GLIS3: variants seen among roughly 807,000 people sequenced by gnomAD.
GLIS3 encodes the protein zinc finger protein GLIS3.
A neutral mutation model predicts 78.6 loss-of-function variants in GLIS3; 53 were observed. The ratio of observed to expected loss-of-function variants is 0.67; its 90% confidence interval spans 0.54 to 0.85. The LOEUF is 0.85. Among genes scored for constraint, GLIS3 ranks in the 40% least tolerant of loss-of-function variants. The pLI, the probability that GLIS3 is intolerant of heterozygous loss-of-function variation, is 0.00. For synonymous variants in GLIS3, 684 were observed against 509.9 expected (o/e 1.34, Z -4.60); for missense variants, 1,703 against 1,231.1 (o/e 1.38, Z -5.74).
At chr9:3,925,453 T>G (rs1038949743) in intron 6 of GLIS3, among the ~76,000 whole-genome samples, 16 of 152,074 alleles carry the variant, frequency 1.1e-4, no homozygotes, top group African/African-American at 3.9e-4. Context: ...AGAAAAAAAA[T>G]CGATTCCTGG....
intron 2 of GLIS3, among the ~76,000 whole-genome samples, chr9:4,142,024 C>G (rs1004614353): frequency 6.6e-6 from 1 of 152,126 alleles, no homozygotes; most frequent in Non-Finnish European, 1.5e-5. Flanking sequence ...AATCCAGACA[C>G]GGTACCAGCA....
At chr9:3,985,321 ACTT>A (rs1819650285) in intron 4 of GLIS3, among the ~76,000 whole-genome samples, 2 of 151,928 alleles carry the variant, frequency 1.3e-5, no homozygotes, top group African/African-American at 4.8e-5. Flanking sequence ...TGTTTTTTGT[ACTT>A]CTTAGTAGAA....
intron 1 of GLIS3, among the ~76,000 whole-genome samples, chr9:4,296,016 A>G (rs1816467204): frequency 6.6e-6 from 1 of 152,174 alleles, no homozygotes; most frequent in South Asian, 2.1e-4. Flanking sequence ...GGAAAAGTAA[A>G]ACAGTTAAGT....
intron 4 of GLIS3, among the ~76,000 whole-genome samples, chr9:3,988,568 C>T (rs528445894): frequency 3.3e-5 from 5 of 152,084 alleles, no homozygotes; most frequent in South Asian, 2.1e-4. Flanking sequence ...ATACATAGAT[C>T]GATTGAACAG....
intron 9 of GLIS3, among the ~76,000 whole-genome samples, chr9:3,846,732 C>T (rs956038323): frequency 6.6e-6 from 1 of 152,230 alleles, no homozygotes; most frequent in Non-Finnish European, 1.5e-5. Context: ...CTACCACACA[C>T]TCAGTACCAG....
intron 2 of GLIS3, among the ~76,000 whole-genome samples, chr9:4,164,152 C>T (rs1835707054): frequency 6.6e-6 from 1 of 152,196 alleles, no homozygotes; most frequent in African/African-American, 2.4e-5. Context: ...GACAGTGGGT[C>T]ATTTAGTGTC....
chr9:3,878,252 C>G (rs113156428), intron 8 of GLIS3, among the ~76,000 whole-genome samples: 10 of 151,904 alleles, frequency 6.6e-5, no homozygotes, highest in African/African-American at 2.4e-4. Flanking sequence ...ATCTCTATTA[C>G]ATCATTTAAC....
At chr9:4,354,450 T>C in the GLIS3 span, among the ~76,000 whole-genome samples, 1 of 152,130 alleles carries the variant, frequency 6.6e-6, no homozygotes, top group Non-Finnish European at 1.5e-5. Context: ...TTGCTATATT[T>C]AACCAAGAAT....
intron 2 of GLIS3, among the ~76,000 whole-genome samples, chr9:4,163,244 G>GCA (rs59165297): frequency 0.3 from 45,250 of 151,550 alleles, 6,840 homozygotes; most frequent in African/African-American, 0.35. Context: ...ATGTGCACTG[G>GCA]CACACACACA....
intron 2 of GLIS3, among the ~76,000 whole-genome samples, chr9:4,211,946 T>C (rs918710455): frequency 1.2e-4 from 19 of 152,200 alleles, no homozygotes; most frequent in African/African-American, 4.6e-4. Context: ...GTTATTCCAA[T>C]TGTATGAAAT....
chr9:3,983,306 G>A (rs1313632306), intron 4 of GLIS3, among the ~76,000 whole-genome samples: 1 of 152,226 alleles, frequency 6.6e-6, no homozygotes, highest in East Asian at 1.9e-4. Flanking sequence ...CCCCAGCCAT[G>A]TGGAACTGTA....
chr9:4,370,093 G>T, the GLIS3 span, among the ~76,000 whole-genome samples: 1 of 146,018 alleles, frequency 6.8e-6, no homozygotes, highest in Non-Finnish European at 1.5e-5. Context: ...TCAGGAGGCT[G>T]AGGCAGGAGA....
At chr9:4,414,825 T>C in the GLIS3 span, among the ~76,000 whole-genome samples, 1 of 152,176 alleles carries the variant, frequency 6.6e-6, no homozygotes, top group Non-Finnish European at 1.5e-5. Context: ...TTCCAGATGA[T>C]GTCTGATCAC....
chr9:3,972,328 G>A (rs1270973331), intron 4 of GLIS3, among the ~76,000 whole-genome samples: 7 of 152,012 alleles, frequency 4.6e-5, no homozygotes, highest in Non-Finnish European at 1.0e-4. Flanking sequence ...AACTTCAAAC[G>A]TCCCTCATTC....
chr9:4,361,518 G>A, the GLIS3 span, among the ~76,000 whole-genome samples: 2 of 152,190 alleles, frequency 1.3e-5, no homozygotes, highest in Non-Finnish European at 2.9e-5. Context: ...ATAGTGTTCT[G>A]CATGCAAGGA....
Position 4,118,381 on chromosome 9 carries a change from G to A in GLIS3, c.1097C>T (p.Pro366Leu), listed in dbSNP as rs1042729562. Reference protein sequence around the residue: ...GSCIPQPRPVPGSQKGVLVAP... With the variant: ...GSCIPQPRPVLGSQKGVLVAP... ...CACCAGCACGCCCTTCTGGCTGCCG[G>A]GCACCGGGCGCGGCTGGGGAATGCA... The change falls in exon 4 of 11, where the codon CCC (proline) becomes CTC (leucine). Residue 366 changes from proline to leucine, a missense_variant. By Grantham distance (98) the Pro-to-Leu change is moderately conservative (BLOSUM62 -3). Coordinates refer to ENST00000381971, the MANE Select transcript of GLIS3 (RefSeq NM_001042413.2). The surrounding 1 kb of genome is among the most constrained non-coding windows in gnomAD (Gnocchi z 4.7). 6.3e-7 allele frequency: 1 copy of A among 1,598,412 alleles called. No individual in the cohort carries two copies. Among genetic ancestry groups the A allele is most frequent in the Non-Finnish European group, 8.5e-7 (1 of 1,176,100 alleles).
the GLIS3 span, among the ~76,000 whole-genome samples, chr9:4,403,584 G>A: frequency 0.71 from 108,073 of 151,988 alleles, 38,549 homozygotes; most frequent in South Asian, 0.81. Context: ...GTTATAAAGT[G>A]TAGAGTTTTT....
At chr9:4,449,615 G>A in the GLIS3 span, among the ~76,000 whole-genome samples, 3 of 152,196 alleles carry the variant, frequency 2.0e-5, no homozygotes, top group South Asian at 6.2e-4. Context: ...TTGGGATGAA[G>A]CTTCCAGAGG....
chr9:4,325,302 T>C (rs1021852161), intron 2 of GLIS3, among the ~76,000 whole-genome samples: 3 of 152,218 alleles, frequency 2.0e-5, no homozygotes, highest in African/African-American at 7.2e-5. Context: ...CAAGTTCCCC[T>C]TGAAACCACT....
Sources: allele counts gnomAD v4.1 joint callset (sites outside exome capture counted in the v4.1 genomes callset), GRCh38; gene constraint gnomAD v4.1.1; non-coding constraint Gnocchi (gnomAD v3.1); transcripts MANE v1.5; gene names NCBI Gene and HGNC (gene_info 2026-07-23, HGNC 2026-07-21).